The following KCNH1 variants were observed in gnomAD, a reference collection of about 807,000 sequenced individuals.
KCNH1 encodes the protein potassium voltage-gated channel subfamily H member 1, also known as voltage-gated delayed rectifier potassium channel KCNH1.
In KCNH1, 27 loss-of-function variants were observed where a neutral mutation model predicts 69.2. The ratio of observed to expected loss-of-function variants is 0.39; its 90% CI spans 0.29 to 0.54. The LOEUF is 0.54. Among genes scored for constraint, KCNH1 ranks in the 20% least tolerant of loss-of-function variants. KCNH1 has a pLI of 0.68. For synonymous variants in KCNH1, 456 were observed against 487.7 expected, an observed-to-expected ratio of 0.93 and a Z score of 0.86; for missense variants, 798 against 1,261.6, an observed-to-expected ratio of 0.63 and a Z score of 5.57.
chr1:210,726,397 T>C lies in KCNH1; in HGVS notation c.2113-42259A>G, dbSNP rs183037871. ...CCTCTCAGATGCCTATAATAATTCATGCAGAGGACAGAAGGAACCCTGCCA... is the reference window on the plus strand; with the variant it reads ...CCTCTCAGATGCCTATAATAATTCACGCAGAGGACAGAAGGAACCCTGCCA... On this transcript the variant is annotated intron_variant, in intron 10 of 10. Transcript: ENST00000271751. 9.2e-5 allele frequency among the ~76,000 whole-genome samples: 14 copies of C among 152,324 alleles called. No homozygotes were observed. In the East Asian group the frequency reaches 1.9e-3, roughly 21 times the overall value.
At chr1:211,116,186 C>G (rs1317090733) in intron 1 of KCNH1, among the ~76,000 whole-genome samples, 1 of 152,050 alleles carries the variant, frequency 6.6e-6, no homozygotes, top group Non-Finnish European at 1.5e-5. Flanking sequence ...GAAAAAATAT[C>G]CTAAAATTTA....
chr1:210,684,260 G>GTGAGCCCCAGCCTCTT, intron 10 of KCNH1, 122 bp from the exon 11 acceptor site: 1 of 1,062,952 alleles, frequency 9.4e-7, no homozygotes, highest in Non-Finnish European at 1.3e-6. Context: ...CCAAGAGGCT[G>GTGAGCCCCAGCCTCTT]GGGCTCACAG....
chr1:211,046,146 A>C (rs1401955666), intron 5 of KCNH1, among the ~76,000 whole-genome samples: 7 of 152,170 alleles, frequency 4.6e-5, no homozygotes, highest in Admixed American at 1.3e-4. Flanking sequence ...GGTTTCTTCC[A>C]TGTCTTGGCT....
intron 7 of KCNH1, among the ~76,000 whole-genome samples, chr1:210,843,076 C>T (rs10863862): frequency 0.092 from 14,053 of 152,156 alleles, 932 homozygotes; most frequent in East Asian, 0.32. Flanking sequence ...GGAATGTGCC[C>T]GCAAATCATT....
At chr1:210,856,895 ATAT>A (rs1558499313) in intron 7 of KCNH1, among the ~76,000 whole-genome samples, 4 of 137,540 alleles carry the variant, frequency 2.9e-5, no homozygotes, top group Non-Finnish European at 6.2e-5. Flanking sequence ...ATATATATAT[ATAT>A]AAAATACTCA....
intron 7 of KCNH1, among the ~76,000 whole-genome samples, chr1:210,895,409 G>A (rs777556194): frequency 2.6e-5 from 4 of 151,878 alleles, no homozygotes; most frequent in Non-Finnish European, 2.9e-5. Context: ...TTTTTCCATT[G>A]CCTCAATTAC....
chr1:210,991,730 C>T (rs770578393), intron 6 of KCNH1, among the ~76,000 whole-genome samples: 1 of 151,934 alleles, frequency 6.6e-6, no homozygotes, highest in Non-Finnish European at 1.5e-5. Context: ...TCCCATTGTA[C>T]CCCATAAATA....
chr1:210,940,359 T>C (rs963502157), intron 6 of KCNH1, among the ~76,000 whole-genome samples: 2 of 152,164 alleles, frequency 1.3e-5, no homozygotes, highest in Non-Finnish European at 2.9e-5. Context: ...GCTGCCATCA[T>C]AAAGACTGAA....
At chr1:210,880,799 A>C (rs1476678916) in intron 7 of KCNH1, among the ~76,000 whole-genome samples, 1 of 152,122 alleles carries the variant, frequency 6.6e-6, no homozygotes, top group Non-Finnish European at 1.5e-5. Context: ...GCAAGCCACA[A>C]AATGGGGGAA....
Position 210,821,502 on chromosome 1 carries a change from A to T in KCNH1, c.1463-17336T>A, listed in dbSNP as rs547958524. On this transcript the variant is annotated intron_variant, in intron 7 of 10. Transcript: ENST00000271751. The stretch of plus-strand genomic sequence containing the variant: ...TTTTCATTTCTAGACCTCACCATGT[A>T]TCACCTATAAACTGCAGTTTGGCCA... Among the ~76,000 whole-genome samples the T allele has an allele frequency of 3.3e-5, 5 of 152,108 alleles. No individual in the cohort carries two copies. The East Asian group carries it at 9.7e-4, about 30-fold the overall frequency.
chr1:210,738,944 T>G (rs1682948914), intron 10 of KCNH1, among the ~76,000 whole-genome samples: 1 of 152,090 alleles, frequency 6.6e-6, no homozygotes, highest in African/African-American at 2.4e-5. Context: ...TCCAATAAAT[T>G]CTCCTTTTTC....
intron 7 of KCNH1, among the ~76,000 whole-genome samples, chr1:210,904,463 G>C (rs1197320788): frequency 1.3e-5 from 2 of 152,012 alleles, no homozygotes; most frequent in African/African-American, 2.4e-5. Flanking sequence ...TTCTTTTTGA[G>C]GTAGTATTAT....
At chr1:211,016,208 A>G (rs1329290451) in intron 6 of KCNH1, among the ~76,000 whole-genome samples, 1 of 152,146 alleles carries the variant, frequency 6.6e-6, no homozygotes, top group Non-Finnish European at 1.5e-5. Flanking sequence ...AGGAGTTCCA[A>G]CCCAACATGT....
At chr1:210,877,201 T>C (rs1558507712) in intron 7 of KCNH1, among the ~76,000 whole-genome samples, 1 of 152,142 alleles carries the variant, frequency 6.6e-6, no homozygotes, top group Non-Finnish European at 1.5e-5. Flanking sequence ...TAATTATAGC[T>C]GTAGTTGATG....
At chr1:211,098,619 G>T (rs1691201853) in intron 3 of KCNH1, among the ~76,000 whole-genome samples, 1 of 152,008 alleles carries the variant, frequency 6.6e-6, no homozygotes, top group South Asian at 2.1e-4. Flanking sequence ...TACAGAATGA[G>T]ACTGGGAAAA....
At position 210,682,606 on chromosome 1, in the gene KCNH1, T is replaced by C. The variant is rs1681296801; in HGVS notation, c.*675A>G. ...GATCTTAAGGGCCCCTCTCCAGCTCTTACCCTTGCCTCACCTCCTTTGGGG... is the reference window on the plus strand; with the variant it reads ...GATCTTAAGGGCCCCTCTCCAGCTCCTACCCTTGCCTCACCTCCTTTGGGG... On this transcript the variant is annotated 3_prime_UTR_variant, in exon 11 of 11. Coordinates refer to ENST00000271751, the MANE Select transcript of KCNH1 (RefSeq NM_172362.3). 1 of 152,840 alleles carries C rather than the reference T, an allele frequency of 6.5e-6. No homozygotes were observed. Among genetic ancestry groups the C allele is most frequent in the Non-Finnish European group, 1.5e-5 (1 of 68,560 alleles). 9.5% of individuals were successfully genotyped at this position (152,840 alleles called of 1,614,324 possible).
At chr1:211,027,702 T>C (rs1689710210) in intron 5 of KCNH1, among the ~76,000 whole-genome samples, 1 of 151,938 alleles carries the variant, frequency 6.6e-6, no homozygotes, top group Non-Finnish European at 1.5e-5. Flanking sequence ...TGTTCTGTAA[T>C]AGAAAGTATC....
intron 9 of KCNH1, among the ~76,000 whole-genome samples, chr1:210,788,207 A>G (rs963414990): frequency 1.3e-5 from 2 of 152,226 alleles, no homozygotes; most frequent in Non-Finnish European, 2.9e-5. Context: ...TGGACAATAA[A>G]AATTACAAAT....
At chr1:210,987,321 G>C (rs1421805863) in intron 6 of KCNH1, among the ~76,000 whole-genome samples, 1 of 152,146 alleles carries the variant, frequency 6.6e-6, no homozygotes, top group Non-Finnish European at 1.5e-5. Flanking sequence ...TTCCATTGCT[G>C]GTGAGGAGCT....
Sources: allele counts gnomAD v4.1 joint callset (sites outside exome capture counted in the v4.1 genomes callset), GRCh38; gene constraint gnomAD v4.1.1; transcripts MANE v1.5; gene names NCBI Gene and HGNC (gene_info 2026-07-23, HGNC 2026-07-21).